The following GRAMD1B variants were observed in gnomAD, a reference collection of about 807,000 sequenced individuals.
GRAMD1B encodes the protein protein Aster-B.
Under a neutral mutation model 99.7 loss-of-function variants are expected in GRAMD1B, and 37 were observed. The ratio of observed to expected loss-of-function variants is 0.37; its 90% CI spans 0.29 to 0.49. GRAMD1B has a LOEUF of 0.49. Among genes scored for constraint, GRAMD1B ranks in the 20% least tolerant of loss-of-function variants. The pLI, the probability that GRAMD1B is intolerant of heterozygous loss-of-function variation, is 0.98. For missense variants in GRAMD1B, 888 were observed against 1,009.2 expected (o/e 0.88, Z 1.63); for synonymous variants, 427 against 387.6 (o/e 1.10, Z -1.19).
intron 1 of GRAMD1B, among the ~76,000 whole-genome samples, chr11:123,434,644 T>C (rs538148305): frequency 6.6e-6 from 1 of 151,966 alleles, no homozygotes; most frequent in Non-Finnish European, 1.5e-5. Flanking sequence ...AAAAATTAGC[T>C]GGACATGGTA....
chr11:123,362,417 G>A (rs1481969693), intron 1 of GRAMD1B, among the ~76,000 whole-genome samples: 7 of 152,158 alleles, frequency 4.6e-5, no homozygotes, highest in African/African-American at 7.2e-5. Context: ...TGGATCTTCT[G>A]GTAAAAGAGA....
chr11:123,497,879 C>A (rs1254485293), intron 2 of GRAMD1B, among the ~76,000 whole-genome samples: 2 of 123,876 alleles, frequency 1.6e-5, no homozygotes, highest in South Asian at 5.3e-4. Context: ...CCAGCCTGGG[C>A]GGTAAAGCTA....
chr11:123,608,517 G>C (rs1465551183), intron 11 of GRAMD1B, 142 bp from the exon 12 acceptor site: 1 of 1,540,684 alleles, frequency 6.5e-7, no homozygotes, highest in East Asian at 2.4e-5. Context: ...CACGAGCTCA[G>C]CTGTCCTGCT....
chr11:123,377,815 A>G (rs531699759), intron 1 of GRAMD1B, among the ~76,000 whole-genome samples: 1 of 152,332 alleles, frequency 6.6e-6, no homozygotes, highest in South Asian at 2.1e-4. Flanking sequence ...TAGCCATCTA[A>G]AGAAAAGACT....
chr11:123,488,328 G>A (rs911921915), intron 2 of GRAMD1B, among the ~76,000 whole-genome samples: 1 of 152,174 alleles, frequency 6.6e-6, no homozygotes, highest in African/African-American at 2.4e-5. Flanking sequence ...ACACCTGGGA[G>A]GTGTTCAGAG....
intron 1 of GRAMD1B, among the ~76,000 whole-genome samples, chr11:123,370,962 A>G (rs1444686606): frequency 6.6e-6 from 1 of 152,100 alleles, no homozygotes; most frequent in Non-Finnish European, 1.5e-5. Context: ...AGGGGAGAGT[A>G]AAGCTAGAAG....
chr11:123,478,593 G>A (rs1242644589), intron 1 of GRAMD1B, among the ~76,000 whole-genome samples: 1 of 152,206 alleles, frequency 6.6e-6, no homozygotes, highest in African/African-American at 2.4e-5. Context: ...GTGCCATCTA[G>A]TGGGTAAACT....
intron 7 of GRAMD1B, among the ~76,000 whole-genome samples, chr11:123,599,785 T>A (rs1951729548): frequency 6.6e-6 from 1 of 152,228 alleles, no homozygotes; most frequent in Non-Finnish European, 1.5e-5. Context: ...GTTTGACCTA[T>A]ATTTTGGACA....
At chr11:123,414,483 GTAT>G (rs1948160944) in intron 1 of GRAMD1B, among the ~76,000 whole-genome samples, 2 of 152,212 alleles carry the variant, frequency 1.3e-5, no homozygotes, top group Admixed American at 1.3e-4. Context: ...GATAGTACCA[GTAT>G]TATTATGTTT....
intron 2 of GRAMD1B, among the ~76,000 whole-genome samples, chr11:123,573,848 G>A (rs1292818496): frequency 6.6e-6 from 1 of 152,092 alleles, no homozygotes. Context: ...TAAAGCCAAG[G>A]GTATGAAGAC....
intron 1 of GRAMD1B, among the ~76,000 whole-genome samples, chr11:123,416,668 G>C (rs1296356593): frequency 6.6e-6 from 1 of 152,222 alleles, no homozygotes; most frequent in East Asian, 1.9e-4. Context: ...TATGGTGGCT[G>C]TGTGATGAGT....
At chr11:123,569,009 T>G (rs1388429136) in intron 2 of GRAMD1B, among the ~76,000 whole-genome samples, 1 of 152,024 alleles carries the variant, frequency 6.6e-6, no homozygotes, top group Non-Finnish European at 1.5e-5. Flanking sequence ...AGTGTGTGTG[T>G]GGGGAAGGGG....
At chr11:123,619,270 G>C in intron 19 of GRAMD1B, 46 bp downstream of exon 19, 1 of 1,547,074 alleles carries the variant, frequency 6.5e-7, no homozygotes, top group South Asian at 1.2e-5. Context: ...TTGGGAGCGG[G>C]GACTCCTTCC....
At chr11:123,611,952 A>G (rs951464923) in intron 14 of GRAMD1B, among the ~76,000 whole-genome samples, 4 of 152,166 alleles carry the variant, frequency 2.6e-5, no homozygotes, top group Non-Finnish European at 5.9e-5. Flanking sequence ...CATAGGAGAG[A>G]AAAGAGCTGA....
rs1453206103 is a variant in GRAMD1B, at chr11:123,624,164, T to C, written c.*1569T>C. The C allele has an allele frequency of 2.0e-5, 3 of 152,208 alleles. No homozygotes were observed. The highest frequency in any genetic ancestry group is 2.9e-5 in the Non-Finnish European group (2 of 68,048). The allele number at this position is 152,208 out of a possible 1,614,324, so 9.4% of individuals were successfully genotyped here. On this transcript the variant is annotated 3_prime_UTR_variant, in exon 20 of 20. Coordinates refer to ENST00000635736, the MANE Select transcript of GRAMD1B (RefSeq NM_001387025.1). ...GTTTGGCATGCAGAGGTCTTCAGTCTTGCTTATTCTTCTCCTGGGCTTCTT... is the reference window on the plus strand; with the variant it reads ...GTTTGGCATGCAGAGGTCTTCAGTCCTGCTTATTCTTCTCCTGGGCTTCTT...
intron 1 of GRAMD1B, among the ~76,000 whole-genome samples, chr11:123,383,030 A>T (rs1474641292): frequency 1.3e-5 from 2 of 152,164 alleles, no homozygotes; most frequent in Admixed American, 6.5e-5. Flanking sequence ...ACAGAGCAAG[A>T]TGGGGCTGTG....
chr11:123,434,659 G>A (rs192386872), intron 1 of GRAMD1B, among the ~76,000 whole-genome samples: 21 of 152,074 alleles, frequency 1.4e-4, no homozygotes, highest in South Asian at 6.2e-4. Flanking sequence ...ATGGTAGTGC[G>A]CGCCTGTAAT....
At chr11:123,394,232 C>T (rs868799499) in intron 1 of GRAMD1B, among the ~76,000 whole-genome samples, 7 of 152,128 alleles carry the variant, frequency 4.6e-5, no homozygotes, top group Non-Finnish European at 1.0e-4. Flanking sequence ...AAAATAAGAA[C>T]ATTATTCTGT....
chr11:123,534,665 C>A (rs1242625019), intron 2 of GRAMD1B, among the ~76,000 whole-genome samples: 2 of 151,938 alleles, frequency 1.3e-5, no homozygotes, highest in African/African-American at 4.8e-5. Flanking sequence ...GAGTTTGAGA[C>A]CAGGCTGGCC....
Sources: allele counts gnomAD v4.1 joint callset (sites outside exome capture counted in the v4.1 genomes callset), GRCh38; gene constraint gnomAD v4.1.1; transcripts MANE v1.5; gene names NCBI Gene and HGNC (gene_info 2026-07-23, HGNC 2026-07-21).